Variants in SNRK observed in about 807,000 individuals in gnomAD.
SNRK encodes the protein SNF related kinase, also known as SNF-related serine/threonine-protein kinase.
SNRK carries 3 observed loss-of-function variants against 48.2 expected under a neutral mutation model. That is an observed-to-expected ratio of 0.06 (90% CI 0.03 to 0.16). The LOEUF is 0.16. Among genes scored for constraint, SNRK ranks in the 10% least tolerant of loss-of-function variants. The pLI is 1.00. For missense variants in SNRK, 627 were observed against 976.0 expected (o/e 0.64, Z 4.76); for synonymous variants, 376 against 366.1 (o/e 1.03, Z -0.31).
At chr3:43,329,672 T>G (rs1455639537) in intron 3 of SNRK, among the ~76,000 whole-genome samples, 1 of 152,218 alleles carries the variant, frequency 6.6e-6, no homozygotes, top group East Asian at 1.9e-4. Context: ...ATTTGAGCCC[T>G]AACTGAAAAC....
Position 43,303,866 on chromosome 3 carries a change from A to G in SNRK, c.589+74A>G, listed in dbSNP as rs1007465720. 9.5e-5 allele frequency: 104 copies of G among 1,092,414 alleles called. No individual in the cohort carries two copies. Among genetic ancestry groups the G allele is most frequent in the Non-Finnish European group, 1.3e-4 (101 of 751,418 alleles). 67.7% of individuals were successfully genotyped at this position (1,092,414 alleles called of 1,614,324 possible). On this transcript the variant is annotated intron_variant, in intron 3 of 6. Transcript: ENST00000296088. This position sits in a 1 kb window ranked among gnomAD's most constrained non-coding sequence, Gnocchi z 6.2. ...AGTTGGTCAGATCGGTTGTTTATCTAAAAATGATTTCTAGAGAATTTCTGT... is the reference window on the plus strand; with the variant it reads ...AGTTGGTCAGATCGGTTGTTTATCTGAAAATGATTTCTAGAGAATTTCTGT...
chr3:43,332,560 T>G (rs1358089122), intron 4 of SNRK: 1 of 279,452 alleles, frequency 3.6e-6, no homozygotes, highest in Non-Finnish European at 6.6e-6. Context: ...TATTTCTTAT[T>G]CAAGAAATCT....
At chr3:43,332,057 T>G in intron 3 of SNRK, 112 bp from the exon 4 acceptor site, 57 of 763,432 alleles carry the variant, frequency 7.5e-5, no homozygotes, top group Non-Finnish European at 8.2e-5. Flanking sequence ...GTTTGTACTT[T>G]GAGATATAAA....
At chr3:43,328,293 T>G (rs2091111180) in intron 3 of SNRK, among the ~76,000 whole-genome samples, 1 of 152,116 alleles carries the variant, frequency 6.6e-6, no homozygotes, top group African/African-American at 2.4e-5. Flanking sequence ...AGTTTGTAGT[T>G]TTGTTAACAC....
intron 3 of SNRK, among the ~76,000 whole-genome samples, chr3:43,327,126 A>T (rs1452022172): frequency 6.6e-6 from 1 of 152,226 alleles, no homozygotes; most frequent in Non-Finnish European, 1.5e-5. Flanking sequence ...TACAAGAAAG[A>T]ATCTTTAGTA....
intron 2 of SNRK, among the ~76,000 whole-genome samples, chr3:43,302,638 AT>A (rs200971249): frequency 0.015 from 1,973 of 133,488 alleles, 14 homozygotes; most frequent in African/African-American, 0.03. Context: ...CACAGAATGG[AT>A]TTTTTTTTTT....
At chr3:43,299,441 G>A (rs1281992285) in intron 1 of SNRK, among the ~76,000 whole-genome samples, 1 of 152,170 alleles carries the variant, frequency 6.6e-6, no homozygotes, top group Non-Finnish European at 1.5e-5. Context: ...CTCCCAAAGT[G>A]CTGGGATTAC....
intron 1 of SNRK, among the ~76,000 whole-genome samples, chr3:43,287,856 G>A (rs147228390): frequency 2.0e-5 from 3 of 152,206 alleles, no homozygotes; most frequent in African/African-American, 4.8e-5. Flanking sequence ...TTATAATCTC[G>A]TTACATTGCT....
At chr3:43,345,787 A>C (rs1347528260) in intron 6 of SNRK, among the ~76,000 whole-genome samples, 1 of 152,208 alleles carries the variant, frequency 6.6e-6, no homozygotes, top group African/African-American at 2.4e-5. Context: ...GGAGTTGTCA[A>C]ATCAAGTAGC....
chr3:43,314,864 G>C (rs1164899884), intron 3 of SNRK: 1 of 151,892 alleles, frequency 6.6e-6, no homozygotes, highest in African/African-American at 2.4e-5. Context: ...AGGCAACATA[G>C]ACTCCATCTC....
At chr3:43,311,051 C>G (rs1365295478) in intron 3 of SNRK, among the ~76,000 whole-genome samples, 1 of 152,122 alleles carries the variant, frequency 6.6e-6, no homozygotes, top group Non-Finnish European at 1.5e-5. Flanking sequence ...GGTCATACAG[C>G]TAACTGGGAA....
At chr3:43,287,005 A>G (rs913040164) in intron 1 of SNRK, among the ~76,000 whole-genome samples, 2 of 146,442 alleles carry the variant, frequency 1.4e-5, no homozygotes, top group Non-Finnish European at 3.0e-5. Flanking sequence ...GGCACCTCGG[A>G]AGGCGCCCGC....
intron 1 of SNRK, among the ~76,000 whole-genome samples, chr3:43,298,436 T>G (rs1397312366): frequency 6.6e-6 from 1 of 152,196 alleles, no homozygotes; most frequent in African/African-American, 2.4e-5. Flanking sequence ...CATCTGTCAC[T>G]AGATATGGAC....
rs1189835869 is a variant in SNRK, at chr3:43,348,400, C to G, written c.2141C>G (p.Thr714Ser). ...TTTTTCTCTGACCACATGGCAGATA[C>G]CACCACTGAATTGGAACGGATAAAG... is the stretch of plus-strand genomic sequence containing the variant. ...IKFFSDHMAD[T>S]TTELERIKSK... The change falls in exon 7 of 7, where the codon ACC becomes AGC. Residue 714 changes from threonine to serine, a missense_variant. Coordinates refer to ENST00000296088, the MANE Select transcript of SNRK (RefSeq NM_017719.5). 1 of 1,611,352 alleles carries G rather than the reference C, an allele frequency of 6.2e-7. No homozygotes were observed. The highest frequency in any genetic ancestry group is 8.5e-7 in the Non-Finnish European group (1 of 1,178,744).
intron 4 of SNRK, chr3:43,333,512 TTAGCTCG>T (rs2091164208): frequency 6.6e-6 from 1 of 152,114 alleles, no homozygotes; most frequent in Non-Finnish European, 1.5e-5. Flanking sequence ...TGTAAAGCTC[TTAGCTCG>T]GTCCTTAGCA....
At chr3:43,324,899 G>T (rs1160529695) in intron 3 of SNRK, among the ~76,000 whole-genome samples, 1 of 152,188 alleles carries the variant, frequency 6.6e-6, no homozygotes, top group African/African-American at 2.4e-5. Context: ...ACTCTCAAAT[G>T]AGGAAGTTAG....
chr3:43,298,074 T>C (rs1181432963), intron 1 of SNRK, among the ~76,000 whole-genome samples: 2 of 152,186 alleles, frequency 1.3e-5, no homozygotes, highest in Non-Finnish European at 2.9e-5. Context: ...GAATGCTTAC[T>C]CTGTGCCAGG....
intron 2 of SNRK, among the ~76,000 whole-genome samples, chr3:43,302,193 C>T (rs1389807021): frequency 6.6e-6 from 1 of 152,114 alleles, no homozygotes; most frequent in African/African-American, 2.4e-5. Flanking sequence ...TTACTAAGTA[C>T]CTACTACCAT....
intron 4 of SNRK, among the ~76,000 whole-genome samples, chr3:43,339,583 C>T (rs138156910): frequency 0.017 from 2,536 of 151,548 alleles, 197 homozygotes; most frequent in Admixed American, 0.13. Context: ...ATTGGAAGGC[C>T]GAGGCGGGCG....
Sources: gnomAD v4.1 joint callset for allele counts (sites outside exome capture counted in the v4.1 genomes callset) on GRCh38, gnomAD v4.1.1 for gene constraint, Gnocchi (gnomAD v3.1) non-coding constraint, MANE v1.5 for transcripts, NCBI Gene and HGNC (gene_info 2026-07-23, HGNC 2026-07-21) for gene names.